The following FOXN3 variants were observed in gnomAD, a reference collection of about 807,000 sequenced individuals.
The protein encoded by FOXN3 is forkhead box protein N3.
Under a neutral mutation model 38.4 loss-of-function variants are expected in FOXN3, and 7 were observed. The observed-to-expected ratio is 0.18, with a 90% CI of 0.10 to 0.34. The LOEUF is 0.34. FOXN3 is among the 10% of genes least tolerant of loss of function. The pLI, the probability that FOXN3 is intolerant of heterozygous loss-of-function variation, is 1.00. For synonymous variants in FOXN3, 230 were observed against 242.2 expected (o/e 0.95, Z 0.47); for missense variants, 456 against 613.4 (o/e 0.74, Z 2.71).
At chr14:89,259,097 C>G (rs1017788869) in intron 4 of FOXN3, among the ~76,000 whole-genome samples, 7 of 152,236 alleles carry the variant, frequency 4.6e-5, no homozygotes, top group Non-Finnish European at 1.0e-4. Context: ...GGACCTCAGA[C>G]CCAGTCACTC....
chr14:89,594,365 CA>C (rs1213323437), intron 1 of FOXN3, among the ~76,000 whole-genome samples: 1 of 152,182 alleles, frequency 6.6e-6, no homozygotes, highest in African/African-American at 2.4e-5. Context: ...AAATCCTCAC[CA>C]ACTCTTGGTA....
intron 3 of FOXN3, among the ~76,000 whole-genome samples, chr14:89,330,651 A>G (rs1227063093): frequency 6.6e-6 from 1 of 152,246 alleles, no homozygotes; most frequent in Non-Finnish European, 1.5e-5. Context: ...AAAACCATAA[A>G]CGATGTTTTT....
chr14:89,528,376 CTTTTTTT>C (rs55935162), intron 1 of FOXN3, among the ~76,000 whole-genome samples: 143 of 53,548 alleles, frequency 2.7e-3, no homozygotes, highest in South Asian at 0.015. Context: ...ATGGATGAAT[CTTTTTTT>C]TTTTTTTTTT....
intron 3 of FOXN3, among the ~76,000 whole-genome samples, chr14:89,301,643 C>T (rs997157037): frequency 2.0e-5 from 3 of 152,050 alleles, no homozygotes; most frequent in Non-Finnish European, 2.9e-5. Flanking sequence ...TGGCAGGCTC[C>T]TGTAATCCCA....
intron 1 of FOXN3, among the ~76,000 whole-genome samples, chr14:89,563,076 C>T (rs1158485110): frequency 6.6e-6 from 1 of 152,170 alleles, no homozygotes; most frequent in Non-Finnish European, 1.5e-5. Context: ...TCCTGTACAT[C>T]GAAGAGATGC....
intron 2 of FOXN3, among the ~76,000 whole-genome samples, chr14:89,405,113 G>A (rs1342278658): frequency 6.6e-6 from 1 of 152,010 alleles, no homozygotes; most frequent in Non-Finnish European, 1.5e-5. Context: ...GACACATAGA[G>A]GTGCAACCTC....
At chr14:89,572,578 C>T (rs544515023) in intron 1 of FOXN3, among the ~76,000 whole-genome samples, 1 of 152,242 alleles carries the variant, frequency 6.6e-6, no homozygotes, top group South Asian at 2.1e-4. Context: ...ACCCTTCATC[C>T]TACCTTTGTG....
chr14:89,484,214 A>G lies in FOXN3; in HGVS notation c.-14-71724T>C, dbSNP rs1280256318. Among the ~76,000 whole-genome samples the G allele has an allele frequency of 6.6e-6, 1 of 152,132 alleles. No individual in the cohort carries two copies. The highest frequency in any genetic ancestry group is 1.5e-5 in the Non-Finnish European group (1 of 68,028). ...CTAATCCTACTCATCCTTTCAACCT[A>G]TTTTCTTAATGGGGAGAAAGCTCCA... is the stretch of plus-strand genomic sequence containing the variant. On this transcript the variant is annotated intron_variant, in intron 1 of 6. Transcript: ENST00000345097. The surrounding 1 kb of genome is among the most constrained non-coding windows in gnomAD (Gnocchi z 4.0).
intron 3 of FOXN3, among the ~76,000 whole-genome samples, chr14:89,304,839 G>A (rs996512135): frequency 1.2e-4 from 18 of 151,792 alleles, no homozygotes; most frequent in Admixed American, 4.6e-4. Flanking sequence ...CTGGTGGAGC[G>A]GGGGACCCTG....
At chr14:89,184,824 C>T (rs1022379614) in intron 4 of FOXN3, among the ~76,000 whole-genome samples, 1 of 152,232 alleles carries the variant, frequency 6.6e-6, no homozygotes, top group African/African-American at 2.4e-5. Context: ...CATCCTTCTG[C>T]CATCCTATAT....
intron 4 of FOXN3, among the ~76,000 whole-genome samples, chr14:89,237,201 G>A (rs1193262183): frequency 6.6e-6 from 1 of 152,132 alleles, no homozygotes; most frequent in African/African-American, 2.4e-5. Context: ...TGCAGAAGAA[G>A]ATTTGCAGAT....
At chr14:89,572,127 G>T (rs1428886890) in intron 1 of FOXN3, among the ~76,000 whole-genome samples, 1 of 152,078 alleles carries the variant, frequency 6.6e-6, no homozygotes, top group African/African-American at 2.4e-5. Flanking sequence ...TGGAATGGAG[G>T]AAAAGCTCAT....
At chr14:89,530,333 GA>G (rs1188676788) in intron 1 of FOXN3, among the ~76,000 whole-genome samples, 1 of 152,168 alleles carries the variant, frequency 6.6e-6, no homozygotes, top group Non-Finnish European at 1.5e-5. Context: ...AGGCAAAGGA[GA>G]AGCAAAGGCA....
intron 4 of FOXN3, among the ~76,000 whole-genome samples, chr14:89,245,840 T>G (rs980176066): frequency 1.3e-5 from 2 of 151,980 alleles, no homozygotes; most frequent in Non-Finnish European, 2.9e-5. Context: ...ATACTCCAAG[T>G]AGTGAGATCA....
chr14:89,343,615 T>C lies in FOXN3; in HGVS notation c.680+7057A>G, dbSNP rs575272679. Among the ~76,000 whole-genome samples the C allele has an allele frequency of 9.8e-5, 14 of 142,428 alleles. No individual in the cohort carries two copies. In the South Asian group the frequency reaches 2.6e-3, roughly 26 times the overall value. The allele number at this position is 142,428 out of a possible 152,430, so 93.4% of individuals were successfully genotyped here. On this transcript the variant is annotated intron_variant, in intron 3 of 5. Transcript: ENST00000557258. ...AAGGCCAAAATCTTTGGAGAGGCCA[T>C]TAATGTGTGTGGTTTTTTTTTTTTT...
chr14:89,602,406 G>A (rs371245016), intron 1 of FOXN3, among the ~76,000 whole-genome samples: 1 of 152,226 alleles, frequency 6.6e-6, no homozygotes, highest in South Asian at 2.1e-4. Flanking sequence ...TATCTCCCTA[G>A]AACAAGAACA....
At chr14:89,308,726 T>A (rs1356412677) in intron 3 of FOXN3, among the ~76,000 whole-genome samples, 1 of 152,196 alleles carries the variant, frequency 6.6e-6, no homozygotes, top group Non-Finnish European at 1.5e-5. Context: ...AAGACTAGAA[T>A]TAAATGAGTA....
intron 1 of FOXN3, among the ~76,000 whole-genome samples, chr14:89,552,783 C>A (rs1895032856): frequency 6.6e-6 from 1 of 152,062 alleles, no homozygotes; most frequent in Non-Finnish European, 1.5e-5. Flanking sequence ...CGCTTGAACC[C>A]AGGAGACGGA....
At chr14:89,314,838 C>T (rs1262784962) in intron 3 of FOXN3, among the ~76,000 whole-genome samples, 1 of 152,138 alleles carries the variant, frequency 6.6e-6, no homozygotes. Context: ...AACCGAGAAC[C>T]TTCAAAAATC....
Sources: allele counts gnomAD v4.1 joint callset (sites outside exome capture counted in the v4.1 genomes callset), GRCh38; gene constraint gnomAD v4.1.1; non-coding constraint Gnocchi (gnomAD v3.1); transcripts MANE v1.5; gene names NCBI Gene and HGNC (gene_info 2026-07-23, HGNC 2026-07-21).